The following SNX30 variants were observed in gnomAD, a reference collection of about 807,000 sequenced individuals.
The protein encoded by SNX30 is sorting nexin family member 30, also known as sorting nexin-30.
A neutral mutation model predicts 46.4 loss-of-function variants in SNX30; 24 were observed. The observed-to-expected ratio is 0.52, with a 90% CI of 0.37 to 0.73. SNX30 has a LOEUF of 0.73. Among genes scored for constraint, SNX30 ranks in the 30% least tolerant of loss-of-function variants. The pLI, the probability that SNX30 is intolerant of heterozygous loss-of-function variation, is 0.00. For synonymous variants in SNX30, 189 were observed against 211.5 expected (o/e 0.89, Z 0.92); for missense variants, 533 against 555.7 (o/e 0.96, Z 0.41).
chr9:112,833,240 C>G (rs1292090466), intron 4 of SNX30, among the ~76,000 whole-genome samples: 2 of 152,108 alleles, frequency 1.3e-5, no homozygotes, highest in African/African-American at 4.8e-5. Flanking sequence ...TTTAACATAC[C>G]TTGAATAACT....
downstream of SNX30, chr9:112,879,646 G>T: frequency 1.1e-6 from 1 of 921,536 alleles, no homozygotes; most frequent in Non-Finnish European, 1.7e-6. Flanking sequence ...AACTCTGGCT[G>T]GAACGCAGGT....
intron 3 of SNX30, among the ~76,000 whole-genome samples, chr9:112,829,975 C>T (rs958733689): frequency 4.6e-5 from 7 of 152,064 alleles, no homozygotes; most frequent in Non-Finnish European, 7.3e-5. Context: ...TATTTTAAAA[C>T]ATGTGCATAG....
chr9:112,834,843 A>ACACACACACACAC (rs1840723275), intron 4 of SNX30, among the ~76,000 whole-genome samples: 1 of 78,320 alleles, frequency 1.3e-5, no homozygotes, highest in African/African-American at 4.7e-5. Context: ...CACACACACA[A>ACACACACACACAC]ACACACACAC....
At chr9:112,834,948 G>A (rs1357788261) in intron 4 of SNX30, among the ~76,000 whole-genome samples, 5 of 150,912 alleles carry the variant, frequency 3.3e-5, no homozygotes, top group Non-Finnish European at 7.4e-5. Flanking sequence ...AGCGAAGAAG[G>A]AAGTGAATTC....
intron 3 of SNX30, among the ~76,000 whole-genome samples, chr9:112,826,944 C>T (rs763309581): frequency 5.3e-5 from 8 of 152,208 alleles, no homozygotes; most frequent in Non-Finnish European, 1.0e-4. Context: ...GAATATTCTA[C>T]TCAAGTGTAA....
chr9:112,796,938 C>A (rs898710469), intron 1 of SNX30, among the ~76,000 whole-genome samples: 17 of 152,104 alleles, frequency 1.1e-4, no homozygotes, highest in Non-Finnish European at 2.4e-4. Flanking sequence ...TGCAAAACTC[C>A]AAGAGGAGAG....
At chr9:112,819,369 C>A (rs141917804) in intron 3 of SNX30, among the ~76,000 whole-genome samples, 4 of 146,362 alleles carry the variant, frequency 2.7e-5, no homozygotes, top group Non-Finnish European at 4.5e-5. Context: ...GGAGTTCAAG[C>A]GATTCTTCTG....
chr9:112,754,885 A>G (rs1183677384), intron 1 of SNX30, among the ~76,000 whole-genome samples: 2 of 152,122 alleles, frequency 1.3e-5, no homozygotes, highest in Non-Finnish European at 2.9e-5. Context: ...CTCCTCCCAC[A>G]TCCTCAATCT....
intron 1 of SNX30, among the ~76,000 whole-genome samples, chr9:112,772,243 A>C (rs1211673635): frequency 6.6e-6 from 1 of 152,206 alleles, no homozygotes; most frequent in African/African-American, 2.4e-5. Flanking sequence ...CCAACTTGTC[A>C]ACAAGTGGAA....
At chr9:112,798,107 GTTTTTTTTTTTTTCTTT>G (rs1840140549) in intron 1 of SNX30, among the ~76,000 whole-genome samples, 1 of 81,098 alleles carries the variant, frequency 1.2e-5, no homozygotes, top group African/African-American at 4.8e-5. Context: ...GTTGAGGTTT[GTTTTTTTTTTTTTCTTT>G]TTTTTTTTTT....
At chr9:112,756,435 CTTTTTTTTT>C (rs61338659) in intron 1 of SNX30, among the ~76,000 whole-genome samples, 7 of 67,404 alleles carry the variant, frequency 1.0e-4, no homozygotes, top group Non-Finnish European at 1.5e-4. Context: ...TGTAATCATC[CTTTTTTTTT>C]TTTTTTTTTT....
chr9:112,838,810 G>A, intron 6 of SNX30, 113 bp downstream of exon 6: 1 of 1,008,838 alleles, frequency 9.9e-7, no homozygotes, highest in South Asian at 1.5e-5. Context: ...CTTCCTGGGT[G>A]GGCAGGATCA....
chr9:112,881,748 C>T (rs1256195710), downstream of SNX30: 1 of 152,236 alleles, frequency 6.6e-6, no homozygotes, highest in East Asian at 1.9e-4. Flanking sequence ...TCTCTGCCCT[C>T]AGGGAGCCTT....
chr9:112,865,665 ATG>A lies in SNX30; in HGVS notation c.1254+1268_1254+1269del, dbSNP rs1564297239. The stretch of plus-strand genomic sequence containing the variant: ...TATATATATATATATATATATATGT[ATG>A]TATGTATGCACACACACACACACGT... On this transcript the variant is annotated intron_variant, in intron 8 of 8. Coordinates refer to ENST00000374232, the MANE Select transcript of SNX30 (RefSeq NM_001012994.2). 5.0e-4 allele frequency among the ~76,000 whole-genome samples: 57 copies of A among 112,892 alleles called. 1 individual carries two copies. Among genetic ancestry groups the A allele is most frequent in the African/African-American group, 2.0e-3 (55 of 28,142 alleles). 74.1% of individuals were successfully genotyped at this position (112,892 alleles called of 152,430 possible). A position where few individuals can be genotyped will look rare whatever the true frequency, so the allele number is the denominator to read the frequency against.
At chr9:112,751,180 G>T (rs1258967950) in intron 1 of SNX30, 23 bp downstream of exon 1, 3 of 1,466,714 alleles carry the variant, frequency 2.0e-6, no homozygotes, top group Non-Finnish European at 2.7e-6. Context: ...GGGCCGGGGA[G>T]TGGGAGGCTT....
At chr9:112,851,772 G>C (rs1841031948) in intron 7 of SNX30, among the ~76,000 whole-genome samples, 1 of 152,174 alleles carries the variant, frequency 6.6e-6, no homozygotes, top group Non-Finnish European at 1.5e-5. Flanking sequence ...AGGGGCTTAG[G>C]AAGTGAGGAG....
chr9:112,758,969 A>G (rs1025329417), intron 1 of SNX30, among the ~76,000 whole-genome samples: 1 of 152,116 alleles, frequency 6.6e-6, no homozygotes, highest in African/African-American at 2.4e-5. Flanking sequence ...GCGCACGTGC[A>G]CACACAGAGA....
chr9:112,876,232 T>TG (rs1564301973), downstream of SNX30, among the ~76,000 whole-genome samples: 5 of 152,084 alleles, frequency 3.3e-5, no homozygotes, highest in South Asian at 8.3e-4. Context: ...AAGAGATTCT[T>TG]GGGGGGAGGA....
intron 7 of SNX30, among the ~76,000 whole-genome samples, chr9:112,852,549 G>A (rs1841045682): frequency 6.6e-6 from 1 of 152,088 alleles, no homozygotes; most frequent in African/African-American, 2.4e-5. Flanking sequence ...GCATGTATGT[G>A]TAAAATTTCA....
Sources: gnomAD v4.1 joint callset for allele counts (sites outside exome capture counted in the v4.1 genomes callset) on GRCh38, gnomAD v4.1.1 for gene constraint, MANE v1.5 for transcripts, NCBI Gene and HGNC (gene_info 2026-07-23, HGNC 2026-07-21) for gene names.